SNTG2: variants seen among roughly 807,000 people sequenced by gnomAD.
SNTG2 encodes syntrophin gamma 2.
A neutral mutation model predicts 70.9 loss-of-function variants in SNTG2; 74 were observed. The observed-to-expected ratio is 1.04, with a 90% CI of 0.86 to 1.27. The LOEUF (loss-of-function observed/expected upper bound fraction) is 1.27. Among genes scored for constraint, SNTG2 ranks in the 50% most tolerant of loss-of-function variants. The pLI is 0.00. For synonymous variants in SNTG2, 278 were observed against 273.8 expected (o/e 1.02, Z -0.15); for missense variants, 717 against 690.7 (o/e 1.04, Z -0.43).
At chr2:1,132,978 G>A (rs377127224) in intron 4 of SNTG2, among the ~76,000 whole-genome samples, 15 of 152,140 alleles carry the variant, frequency 9.9e-5, no homozygotes, top group South Asian at 2.1e-4. Context: ...AATTAAAGTC[G>A]TACCATATGT....
intron 14 of SNTG2, among the ~76,000 whole-genome samples, chr2:1,279,091 TGCGCGAATCACCCCTGTCAGC>T (rs1242889116): frequency 2.0e-5 from 2 of 100,952 alleles, no homozygotes; most frequent in African/African-American, 6.5e-5. Context: ...CCTCTGTCAG[TGCGCGAATCACCCCTGTCAGC>T]GCGCGAATCA....
At chr2:987,799 G>A (rs1461353992) in intron 1 of SNTG2, among the ~76,000 whole-genome samples, 1 of 152,144 alleles carries the variant, frequency 6.6e-6, no homozygotes, top group Non-Finnish European at 1.5e-5. Context: ...AGGCCTCCTA[G>A]ACAAGGACAG....
At chr2:1,357,451 T>C (rs1046166466) in intron 16 of SNTG2, among the ~76,000 whole-genome samples, 1 of 152,180 alleles carries the variant, frequency 6.6e-6, no homozygotes, top group African/African-American at 2.4e-5. Context: ...TTGTAGAATA[T>C]GATCCTTTTC....
At chr2:1,003,745 TATG>T (rs574145528) in intron 1 of SNTG2, among the ~76,000 whole-genome samples, 11 of 152,354 alleles carry the variant, frequency 7.2e-5, no homozygotes, top group Admixed American at 4.6e-4. Context: ...TGGTCCCTAA[TATG>T]ATGCACTTTT....
At chr2:1,098,305 G>A (rs775263553) in intron 3 of SNTG2, 48 bp from the exon 4 acceptor site, 4 of 1,613,634 alleles carry the variant, frequency 2.5e-6, no homozygotes, top group Non-Finnish European at 3.4e-6. Flanking sequence ...GAACTTTCCA[G>A]TGTGAATCAT....
intron 16 of SNTG2, among the ~76,000 whole-genome samples, chr2:1,364,112 A>G (rs1432892167): frequency 1.3e-5 from 2 of 150,708 alleles, no homozygotes; most frequent in Admixed American, 1.3e-4. Flanking sequence ...CTGTGATTAC[A>G]GGCACCTGCC....
At chr2:1,259,574 C>A in intron 13 of SNTG2, 133 bp downstream of exon 13, 1 of 736,696 alleles carries the variant, frequency 1.4e-6, no homozygotes, top group South Asian at 1.8e-5. Flanking sequence ...ATGTGACGAT[C>A]TGGACCCATT....
At chr2:1,222,529 C>T (rs74679443) in intron 9 of SNTG2, among the ~76,000 whole-genome samples, 1 of 103,424 alleles carries the variant, frequency 9.7e-6, no homozygotes, top group South Asian at 3.6e-4. Flanking sequence ...CTGCCTGCTG[C>T]TGGAGGTGCT....
chr2:1,308,617 C>G (rs934221063), intron 15 of SNTG2, 31 bp downstream of exon 15: 1 of 1,516,890 alleles, frequency 6.6e-7, no homozygotes, highest in Non-Finnish European at 9.0e-7. Flanking sequence ...CCATGCCGCC[C>G]CATTGCCATG....
chr2:1,103,105 G>A (rs1014270279), intron 4 of SNTG2, among the ~76,000 whole-genome samples: 16 of 152,156 alleles, frequency 1.1e-4, no homozygotes, highest in Admixed American at 6.5e-4. Flanking sequence ...ACAGGTCCAC[G>A]TCATGGGTGT....
chr2:1,123,573 CTT>C (rs1309501856), intron 4 of SNTG2, among the ~76,000 whole-genome samples: 3 of 152,176 alleles, frequency 2.0e-5, no homozygotes, highest in Admixed American at 6.5e-5. Context: ...GGATGAAAGT[CTT>C]AACTGTAAGA....
chr2:1,088,427 G>A (rs1352973472), intron 2 of SNTG2, among the ~76,000 whole-genome samples: 1 of 152,082 alleles, frequency 6.6e-6, no homozygotes, highest in Non-Finnish European at 1.5e-5. Context: ...GGCACCCCTG[G>A]TCCTGCTCAG....
At chr2:1,205,959 A>G (rs187185387) in intron 8 of SNTG2, among the ~76,000 whole-genome samples, 2 of 152,298 alleles carry the variant, frequency 1.3e-5, no homozygotes, top group Non-Finnish European at 2.9e-5. Flanking sequence ...AGAGGAAAAC[A>G]TGTTCTGTTT....
chr2:1,161,777 T>C (rs1478215813), intron 6 of SNTG2: 1 of 152,146 alleles, frequency 6.6e-6, no homozygotes, highest in East Asian at 1.9e-4. Context: ...CAATCTTTAA[T>C]TAAAAGTGCT....
chr2:1,075,581 AG>A lies in SNTG2; in HGVS notation c.73-7936del, dbSNP rs139772718. ...CTGTCATTGTTTCTATGTAGATCTT[AG>A]TGGGACACTAACTGAGTGGCGTTCG... On this transcript the variant is annotated intron_variant, in intron 1 of 16. Coordinates refer to ENST00000308624, the MANE Select transcript of SNTG2 (RefSeq NM_018968.4). Among the ~76,000 whole-genome samples the A allele has an allele frequency of 9.1e-3, 1,378 of 152,174 alleles. 15 individuals carry two copies. Among genetic ancestry groups the A allele is most frequent in the African/African-American group, 0.031 (1,302 of 41,506 alleles).
intron 1 of SNTG2, among the ~76,000 whole-genome samples, chr2:1,023,890 C>T (rs1660334457): frequency 6.6e-6 from 1 of 152,204 alleles, no homozygotes; most frequent in African/African-American, 2.4e-5. Flanking sequence ...GAAGACAGCA[C>T]ACCTGAAAGC....
intron 4 of SNTG2, 82 bp downstream of exon 4, chr2:1,098,492 G>A (rs1204027342): frequency 2.1e-6 from 3 of 1,436,094 alleles, no homozygotes; most frequent in Non-Finnish European, 2.9e-6. Context: ...AAAATCAGCA[G>A]ATATGTGTTT....
chr2:1,002,884 T>TTATATA (rs756474389), intron 1 of SNTG2, among the ~76,000 whole-genome samples: 5 of 148,946 alleles, frequency 3.4e-5, no homozygotes, highest in African/African-American at 1.2e-4. Context: ...AAAGAAAATG[T>TTATATA]TATATATATA....
intron 1 of SNTG2, among the ~76,000 whole-genome samples, chr2:1,067,135 C>CAA (rs35467522): frequency 1.2e-4 from 16 of 132,932 alleles, no homozygotes; most frequent in African/African-American, 3.4e-4. Flanking sequence ...AAGTCACTAG[C>CAA]AAAAAAAAAA....
Sources: allele counts gnomAD v4.1 joint callset (sites outside exome capture counted in the v4.1 genomes callset), GRCh38; gene constraint gnomAD v4.1.1; transcripts MANE v1.5; gene names NCBI Gene and HGNC (gene_info 2026-07-23, HGNC 2026-07-21).